PRICKLE3: variants seen among roughly 807,000 people sequenced by gnomAD.
PRICKLE3 encodes the protein LIM domain only protein 6.
Under a neutral mutation model 33.8 loss-of-function variants are expected in PRICKLE3, and 17 were observed. The observed-to-expected ratio is 0.50, with a 90% confidence interval of 0.34 to 0.75. The LOEUF is 0.75. Ranked by LOEUF, PRICKLE3 falls within the 30% of genes least tolerant of loss-of-function variation. The probability of loss-of-function intolerance (pLI) is 0.01; values close to 1 mark genes in which losing one functional copy is unlikely to be tolerated. For synonymous variants in PRICKLE3, 211 were observed against 219.6 expected (o/e 0.96, Z 0.34); for missense variants, 573 against 576.7 (o/e 0.99, Z 0.07).
In PRICKLE3 at chrX:49,174,994, C is replaced by T; in HGVS notation, c.*679G>A. On this transcript the variant is annotated 3_prime_UTR_variant, in exon 9 of 9. Coordinates refer to ENST00000599218, the MANE Select transcript of PRICKLE3 (RefSeq NM_006150.5). Reference sequence around the variant, plus strand: ...GAAGTGGGGAGTTAGATTTCAGAGTCCAGGCCCTAGGTTGGGACCCACTCC... The same window carrying T: ...GAAGTGGGGAGTTAGATTTCAGAGTTCAGGCCCTAGGTTGGGACCCACTCC... 2 of 421,699 alleles carry T rather than the reference C, an allele frequency of 4.7e-6. No homozygotes were observed. The highest frequency in any genetic ancestry group is 8.3e-6 in the Non-Finnish European group (2 of 241,008). The allele number at this position is 421,699 out of a possible 1,213,427, so 34.8% of individuals were successfully genotyped here.
At chrX:49,182,259 G>A (rs2065460897) in intron 3 of PRICKLE3, among the ~76,000 whole-genome samples, 1 of 110,964 alleles carries the variant, frequency 9.0e-6, no homozygotes, top group South Asian at 3.8e-4. Context: ...CTGTCTGTCT[G>A]TCTGTCTCTC....
chrX:49,179,118 G>T, intron 5 of PRICKLE3, 133 bp downstream of exon 5: 1 of 880,635 alleles, frequency 1.1e-6, no homozygotes, highest in South Asian at 2.7e-5. Flanking sequence ...CCGCCCACAA[G>T]AGGGGACCCT....
Position 49,179,753 on chromosome X carries a change from A to C in PRICKLE3, c.366T>G (p.Ser122Arg). 1 of 1,188,350 alleles carries C rather than the reference A, an allele frequency of 8.4e-7. No homozygotes were observed. Among genetic ancestry groups the C allele is most frequent in the South Asian group, 1.8e-5 (1 of 54,358 alleles). The change falls in exon 4 of 9, where the codon AGT (serine) becomes AGG (arginine). Residue 122 changes from serine (S) to arginine (R), a missense_variant. By Grantham distance (110) the Ser-to-Arg change is moderately radical. Transcript: ENST00000599218. ...LPEDKVPYVNSPGEKYRIKQL... is the reference protein window; with the variant it reads ...LPEDKVPYVNRPGEKYRIKQL... ...GCTTGATCCTGTATTTCTCCCCAGG[A>C]CTGTTGACGTAGGGGACCTTGTCCT...
At chrX:49,182,760 C>T (rs2065463143) in intron 3 of PRICKLE3, among the ~76,000 whole-genome samples, 2 of 111,358 alleles carry the variant, frequency 1.8e-5, no homozygotes, top group South Asian at 7.5e-4. Context: ...CACCATCTGA[C>T]ATATATTTAC....
chrX:49,184,065 G>A (rs1005880408), intron 2 of PRICKLE3, 148 bp from the exon 3 acceptor site: 1 of 713,895 alleles, frequency 1.4e-6, no homozygotes, highest in Non-Finnish European at 2.0e-6. Flanking sequence ...TGGGGGCAGG[G>A]CTGCAGGAGG....
At position 49,186,251 on chromosome X, in the gene PRICKLE3, C is replaced by CT; in HGVS notation, c.42+4dup. The CT allele has an allele frequency of 8.6e-7, 1 of 1,157,727 alleles. No homozygotes were observed. The highest frequency in any genetic ancestry group is 1.2e-6 in the Non-Finnish European group (1 of 868,993). On this transcript the variant is annotated splice_donor_region_variant and intron_variant, in intron 1 of 8. Transcript: ENST00000599218. ...ACCCCCACCGCTGCCCTGACTCCCG[C>CT]TCACCGCACGCCCGGAGCGGCGCCT... is the stretch of plus-strand genomic sequence containing the variant.
In PRICKLE3 at chrX:49,175,901, T is replaced by A; in HGVS notation, c.1620A>T (p.Ser540=). The A allele has an allele frequency of 8.3e-7, 1 of 1,211,658 alleles. No individual in the cohort carries two copies. Among genetic ancestry groups the A allele is most frequent in the South Asian group, 1.8e-5 (1 of 57,009 alleles). ...GCGAGCTGGAGCAAGATTCCGAGTC[T>A]GACCCTGATCCCGCGTCACATTGAT... is the stretch of plus-strand genomic sequence containing the variant. ...RHYQCDAGSG[S]DSESCSSSPS... is the part of the protein sequence containing the mutation. The change falls in exon 9 of 9, where the codon TCA becomes TCT. Residue 540 remains serine (S), a synonymous_variant. Coordinates refer to ENST00000599218, the MANE Select transcript of PRICKLE3 (RefSeq NM_006150.5).
chrX:49,178,151 G>A lies in PRICKLE3; in HGVS notation c.797C>T (p.Ala266Val), dbSNP rs1557100436. 8.5e-7 allele frequency: 1 copy of A among 1,181,599 alleles called. No homozygotes were observed. The highest frequency in any genetic ancestry group is 2.3e-5 in the Admixed American group (1 of 43,358). The change falls in exon 7 of 9, where the codon GCT becomes GTT. Residue 266 changes from alanine to valine, a missense_variant. Ala to Val is a moderately conservative substitution (Grantham distance 64). Coordinates refer to ENST00000599218, the MANE Select transcript of PRICKLE3 (RefSeq NM_006150.5). ...ATCCATGTGCCAGTGGCGGCCCTCA[G>A]CCTCCGTGCACTCAGGGGAGAAGAT... ...EIIFSPECTE[A>V]EGRHWHMDHF...
chrX:49,185,896 CAAA>C (rs35472415), intron 1 of PRICKLE3, among the ~76,000 whole-genome samples: 1 of 29,730 alleles, frequency 3.4e-5, no homozygotes, highest in African/African-American at 1.3e-4. Flanking sequence ...GATTCAGTCT[CAAA>C]AAAAAAAAAA....
chrX:49,186,306 C>A lies in PRICKLE3; in HGVS notation c.-9G>T. ...GACCCACGCGCGAACATGGCGCGCC[C>A]GGGCAGGGTCAAGCCGGGCCGGGTC... On this transcript the variant is annotated 5_prime_UTR_variant, in exon 1 of 9. Transcript: ENST00000599218. 1 of 1,139,218 alleles carries A rather than the reference C, an allele frequency of 8.8e-7. No individual in the cohort carries two copies. 93.9% of individuals were successfully genotyped at this position (1,139,218 alleles called of 1,213,427 possible).
At chrX:49,181,654 A>C (rs1602602718) in intron 3 of PRICKLE3, among the ~76,000 whole-genome samples, 1 of 65,027 alleles carries the variant, frequency 1.5e-5, no homozygotes. Context: ...TATATTAAAT[A>C]ATTATTTATT....
In PRICKLE3 at chrX:49,175,623, C is replaced by T. The variant is rs782256979; in HGVS notation, c.*50G>A. The T allele has an allele frequency of 6.4e-6, 7 of 1,097,473 alleles. No individual in the cohort carries two copies. In the South Asian group the frequency reaches 1.0e-4, roughly 16 times the overall value. 90.4% of individuals were successfully genotyped at this position (1,097,473 alleles called of 1,213,427 possible). On this transcript the variant is annotated 3_prime_UTR_variant, in exon 9 of 9. Coordinates refer to ENST00000599218, the MANE Select transcript of PRICKLE3 (RefSeq NM_006150.5). ...GCGTGGGGGTGAGGGGCATGGGCCT[C>T]ATCATCTACTCTGACTGGAGAATGG...
rs2065415707 is a variant in PRICKLE3 at position 49,176,165 on chromosome X, C to A, written c.1356G>T (p.Glu452Asp). 1 of 1,192,765 alleles carries A rather than the reference C, an allele frequency of 8.4e-7. No individual in the cohort carries two copies. Among genetic ancestry groups the A allele is most frequent in the Non-Finnish European group, 1.1e-6 (1 of 885,765 alleles). The change falls in exon 9 of 9, where the codon GAG becomes GAT. Residue 452 changes from glutamate to aspartate, a missense_variant. Transcript: ENST00000599218. Reference sequence around the variant, plus strand: ...GGCGCAGGTTAGGCTGGCCGGGGGACTCTGGGGGCGGCTCGGGGACACTGC... The same window carrying A: ...GGCGCAGGTTAGGCTGGCCGGGGGAATCTGGGGGCGGCTCGGGGACACTGC... ...GLRSVPEPPPESPGQPNLRPD... is the reference protein window; with the variant it reads ...GLRSVPEPPPDSPGQPNLRPD...
At chrX:49,177,268 A>T in intron 7 of PRICKLE3, 66 bp from the exon 8 acceptor site, 1 of 1,027,531 alleles carries the variant, frequency 9.7e-7, no homozygotes, top group Non-Finnish European at 1.3e-6. Flanking sequence ...CCCCTCGTGA[A>T]CGAGTCCCTT....
chrX:49,177,920 G>T, intron 7 of PRICKLE3, 73 bp downstream of exon 7: 1 of 1,053,370 alleles, frequency 9.5e-7, no homozygotes, highest in Non-Finnish European at 1.3e-6. Context: ...AGGACAGGAG[G>T]AGTCCTGGTG....
chrX:49,183,344 G>T (rs782504045), intron 3 of PRICKLE3, among the ~76,000 whole-genome samples: 1 of 111,149 alleles, frequency 9.0e-6, no homozygotes, highest in East Asian at 2.9e-4. Flanking sequence ...GATCACTTGA[G>T]CCCAGGAGTT....
At chrX:49,178,689 G>A (rs1486439976) in intron 5 of PRICKLE3, among the ~76,000 whole-genome samples, 1 of 112,552 alleles carries the variant, frequency 8.9e-6, no homozygotes, top group Non-Finnish European at 1.9e-5. Context: ...GAGGGAAGCC[G>A]TAGAGACAGG....
chrX:49,180,724 C>T (rs1476715457), intron 3 of PRICKLE3, among the ~76,000 whole-genome samples: 2 of 111,625 alleles, frequency 1.8e-5, no homozygotes, highest in Non-Finnish European at 3.8e-5. Flanking sequence ...TAGGACTCAG[C>T]TCTTGGTCCT....
At position 49,177,222 on chromosome X, in the gene PRICKLE3, G is replaced by A; in HGVS notation, c.956-20C>T. On this transcript the variant is annotated intron_variant, in intron 7 of 8. Coordinates refer to ENST00000599218, the MANE Select transcript of PRICKLE3 (RefSeq NM_006150.5). ...CCAGGCCTGTGGGGAACGACGAGGGGGAAAAACTGAGGCAGAACCCCCAGG... is the reference window on the plus strand; with the variant it reads ...CCAGGCCTGTGGGGAACGACGAGGGAGAAAAACTGAGGCAGAACCCCCAGG... 3 of 1,125,495 alleles carry A rather than the reference G, an allele frequency of 2.7e-6. No homozygotes were observed. The allele number at this position is 1,125,495 out of a possible 1,213,427, so 92.8% of individuals were successfully genotyped here. A position where few individuals can be genotyped will look rare whatever the true frequency, so the allele number is the denominator to read the frequency against.
Sources: gnomAD v4.1 joint callset for allele counts (sites outside exome capture counted in the v4.1 genomes callset) on GRCh38, gnomAD v4.1.1 for gene constraint, MANE v1.5 for transcripts, NCBI Gene and HGNC (gene_info 2026-07-23, HGNC 2026-07-21) for gene names.